RIMBP2: variants seen among roughly 807,000 people sequenced by gnomAD.
The protein encoded by RIMBP2 is RIMS-binding protein 2.
Under a neutral mutation model 118.6 loss-of-function variants are expected in RIMBP2, and 48 were observed. That is an observed-to-expected ratio of 0.40 (90% CI 0.32 to 0.51). RIMBP2 has a LOEUF of 0.51. RIMBP2 is among the 20% of genes least tolerant of loss of function. The probability of loss-of-function intolerance (pLI) is 0.41; values close to 1 mark genes in which losing one functional copy is unlikely to be tolerated. For synonymous variants in RIMBP2, 762 were observed against 742.9 expected, an observed-to-expected ratio of 1.03 and a Z score of -0.42; for missense variants, 1,551 against 1,768.3, an observed-to-expected ratio of 0.88 and a Z score of 2.20.
intron 1 of RIMBP2, among the ~76,000 whole-genome samples, chr12:130,682,589 T>C (rs906154812): frequency 1.3e-5 from 2 of 152,236 alleles, no homozygotes; most frequent in South Asian, 4.1e-4. Flanking sequence ...TTTTAAAAAA[T>C]AGCTGTATGC....
chr12:130,559,984 C>G (rs1297030405), intron 2 of RIMBP2, among the ~76,000 whole-genome samples: 1 of 152,214 alleles, frequency 6.6e-6, no homozygotes, highest in Non-Finnish European at 1.5e-5. Flanking sequence ...CCCCAGTTTA[C>G]AGAGAGGGAA....
chr12:130,556,339 G>C (rs976996693), intron 2 of RIMBP2, among the ~76,000 whole-genome samples: 2 of 152,176 alleles, frequency 1.3e-5, no homozygotes, highest in South Asian at 4.1e-4. Context: ...TGAAGCCCTA[G>C]AGACCGATGA....
At chr12:130,619,375 C>G (rs954131884) in intron 2 of RIMBP2, among the ~76,000 whole-genome samples, 4 of 152,172 alleles carry the variant, frequency 2.6e-5, no homozygotes, top group African/African-American at 9.7e-5. Flanking sequence ...ATTCCCTCAC[C>G]TCTTCCAGGA....
At chr12:130,658,696 G>GA (rs1243252626) in intron 1 of RIMBP2, 1 of 152,196 alleles carries the variant, frequency 6.6e-6, no homozygotes, top group Non-Finnish European at 1.5e-5. Flanking sequence ...CATTTTATGA[G>GA]AAAAAACAAG....
chr12:130,407,415 C>G (rs564306310), intron 20 of RIMBP2, among the ~76,000 whole-genome samples: 4 of 152,270 alleles, frequency 2.6e-5, no homozygotes, highest in Admixed American at 2.6e-4. Context: ...TTATTTCTCT[C>G]CTAAAGATGG....
At chr12:130,632,294 T>C (rs1394124196) in intron 1 of RIMBP2, among the ~76,000 whole-genome samples, 2 of 152,226 alleles carry the variant, frequency 1.3e-5, no homozygotes, top group Non-Finnish European at 2.9e-5. Context: ...CATCCTATTC[T>C]GCTCCTCTAA....
chr12:130,665,196 C>T (rs1038758152), intron 1 of RIMBP2, among the ~76,000 whole-genome samples: 7 of 151,606 alleles, frequency 4.6e-5, no homozygotes, highest in African/African-American at 9.8e-5. Flanking sequence ...CCTGAAATCA[C>T]GTGTTTCCTG....
At chr12:130,491,908 T>C (rs1400172603) in intron 4 of RIMBP2, among the ~76,000 whole-genome samples, 1 of 152,188 alleles carries the variant, frequency 6.6e-6, no homozygotes, top group African/African-American at 2.4e-5. Flanking sequence ...CGCCAGCACT[T>C]AAGCTGCCTA....
chr12:130,656,987 C>T lies in RIMBP2; in HGVS notation c.-351-28531G>A, dbSNP rs76387890. Among the ~76,000 whole-genome samples, 689 of 152,334 alleles carry T rather than the reference C, an allele frequency of 4.5e-3. 4 individuals carry two copies. Among genetic ancestry groups the T allele is most frequent in the Non-Finnish European group, 4.3e-3 (295 of 68,032 alleles). On this transcript the variant is annotated intron_variant, in intron 1 of 22. Coordinates refer to ENST00000690449, the MANE Select transcript of RIMBP2 (RefSeq NM_001393629.1). The stretch of plus-strand genomic sequence containing the variant: ...ATCATAGCTCACTGCATTGAACTCC[C>T]AGGCTCAAGTGATCCTCCTGCCTCA...
In RIMBP2 at chr12:130,509,883, G is replaced by A. The variant is rs571763893; in HGVS notation, c.-126-3113C>T. ...AACATTAGCAGCCCAGAAGCACCATGATGGCTCAGAGGCTCCCTACATAAG... is the reference window on the plus strand; with the variant it reads ...AACATTAGCAGCCCAGAAGCACCATAATGGCTCAGAGGCTCCCTACATAAG... On this transcript the variant is annotated intron_variant, in intron 3 of 22. Coordinates refer to ENST00000690449, the MANE Select transcript of RIMBP2 (RefSeq NM_001393629.1). Among the ~76,000 whole-genome samples the A allele has an allele frequency of 5.3e-5, 8 of 152,380 alleles. No individual in the cohort carries two copies. The South Asian group carries it at 1.7e-3, about 32-fold the overall frequency.
At chr12:130,642,901 T>C (rs2062687954) in intron 1 of RIMBP2, among the ~76,000 whole-genome samples, 2 of 152,146 alleles carry the variant, frequency 1.3e-5, no homozygotes, top group African/African-American at 4.8e-5. Context: ...TGCCGCTCAC[T>C]GAGAGAGGGG....
intron 1 of RIMBP2, among the ~76,000 whole-genome samples, chr12:130,712,124 G>A (rs1053615159): frequency 6.6e-6 from 1 of 152,234 alleles, no homozygotes; most frequent in Non-Finnish European, 1.5e-5. Context: ...GTGAGTGAGT[G>A]AGGAGTGGAC....
At chr12:130,538,327 G>A (rs1308997084) in intron 2 of RIMBP2, among the ~76,000 whole-genome samples, 1 of 115,826 alleles carries the variant, frequency 8.6e-6, no homozygotes, top group South Asian at 2.9e-4. Context: ...GCGATCTTGG[G>A]TCTGCATTTC....
Position 130,412,817 on chromosome 12 carries a change from A to G in RIMBP2, c.3421-30T>C, listed in dbSNP as rs573753027. 6 of 1,592,912 alleles carry G rather than the reference A, an allele frequency of 3.8e-6. No individual in the cohort carries two copies. In the African/African-American group the frequency reaches 8.1e-5, roughly 21 times the overall value. Reference sequence around the variant, plus strand: ...AGCCAAGGGGGAAAATAAATCAAGCACTGTAATTGATTGGTTCAGAAATAC... The same window carrying G: ...AGCCAAGGGGGAAAATAAATCAAGCGCTGTAATTGATTGGTTCAGAAATAC... On this transcript the variant is annotated intron_variant, in intron 18 of 22. Coordinates refer to ENST00000690449, the MANE Select transcript of RIMBP2 (RefSeq NM_001393629.1).
At chr12:130,699,626 C>A (rs1019443837) in intron 1 of RIMBP2, among the ~76,000 whole-genome samples, 100 of 151,356 alleles carry the variant, frequency 6.6e-4, no homozygotes, top group South Asian at 3.1e-3. Context: ...ATACCTAATG[C>A]TAAATGACGA....
In RIMBP2 at chr12:130,445,254, A is replaced by G. The variant is rs139815556; in HGVS notation, c.597T>C (p.Asp199=). ...CAGCTTCGGGGTTCTCGTTCGGTCCATCGAAGGGGTTGTAACTGCAGAGAA... is the reference window on the plus strand; with the variant it reads ...CAGCTTCGGGGTTCTCGTTCGGTCCGTCGAAGGGGTTGTAACTGCAGAGAA... ...CVARYSYNPF[D]GPNENPEAEL... is the part of the protein sequence containing the mutation. The change falls in exon 10 of 23, where the codon GAT becomes GAC. Residue 199 remains aspartate, a synonymous_variant. Coordinates refer to ENST00000690449, the MANE Select transcript of RIMBP2 (RefSeq NM_001393629.1). The G allele has an allele frequency of 4.3e-6, 7 of 1,612,800 alleles. No individual in the cohort carries two copies. In the African/African-American group the frequency reaches 8.0e-5, roughly 18 times the overall value.
chr12:130,404,263 G>GA (rs766324634), intron 21 of RIMBP2, among the ~76,000 whole-genome samples: 4 of 152,082 alleles, frequency 2.6e-5, no homozygotes, highest in Non-Finnish European at 4.4e-5. Flanking sequence ...ATGCTAGGGG[G>GA]AAAAATCATT....
At chr12:130,677,632 A>C (rs1201695256) in intron 1 of RIMBP2, among the ~76,000 whole-genome samples, 6 of 152,050 alleles carry the variant, frequency 3.9e-5, no homozygotes, top group South Asian at 2.1e-4. Flanking sequence ...TGTCTCAAAA[A>C]AAACAAACAA....
At chr12:130,463,987 C>A (rs1363401656) in intron 6 of RIMBP2, among the ~76,000 whole-genome samples, 1 of 152,132 alleles carries the variant, frequency 6.6e-6, no homozygotes, top group African/African-American at 2.4e-5. Context: ...CCCCTCAGCG[C>A]CATGACAGTT....
Sources: allele counts gnomAD v4.1 joint callset (sites outside exome capture counted in the v4.1 genomes callset), GRCh38; gene constraint gnomAD v4.1.1; transcripts MANE v1.5; gene names NCBI Gene and HGNC (gene_info 2026-07-23, HGNC 2026-07-21).